SBNO2: variants seen among roughly 807,000 people sequenced by gnomAD.
SBNO2 encodes the protein strawberry notch homolog 2.
A neutral mutation model predicts 146.3 loss-of-function variants in SBNO2; 89 were observed. The observed-to-expected ratio is 0.61, with a 90% confidence interval of 0.51 to 0.73. The LOEUF (loss-of-function observed/expected upper bound fraction) is 0.73, where lower values mean the gene tolerates loss of function less well. Among genes scored for constraint, SBNO2 ranks in the 30% least tolerant of loss-of-function variants. SBNO2 has a pLI of 0.00. For missense variants in SBNO2, 2,092 were observed against 2,003.7 expected (o/e 1.04, Z -0.84); for synonymous variants, 1,147 against 892.6 (o/e 1.29, Z -5.08).
chr19:1,114,429 G>C lies in SBNO2; in HGVS notation c.1886-7C>G. On this transcript the variant is annotated splice_region_variant and splice_polypyrimidine_tract_variant and intron_variant, in intron 17 of 31. Coordinates refer to ENST00000361757, the MANE Select transcript of SBNO2 (RefSeq NM_014963.3). The stretch of plus-strand genomic sequence containing the variant: ...CCGCGTCCCCGAGGTCGCCCTGCAG[G>C]GAAGGACAGGGTCACCGAGGGCCAG... 6 of 1,517,024 alleles carry C rather than the reference G, an allele frequency of 4.0e-6. No homozygotes were observed. Among genetic ancestry groups the C allele is most frequent in the Non-Finnish European group, 5.3e-6 (6 of 1,128,780 alleles). 94.0% of individuals were successfully genotyped at this position (1,517,024 alleles called of 1,614,324 possible). A position where few individuals can be genotyped will look rare whatever the true frequency, so the allele number is the denominator to read the frequency against.
chr19:1,138,544 G>A (rs2080105946), intron 4 of SBNO2, among the ~76,000 whole-genome samples: 1 of 152,054 alleles, frequency 6.6e-6, no homozygotes, highest in African/African-American at 2.4e-5. Context: ...ACGAAAACGT[G>A]TCCACTGGGA....
At chr19:1,117,201 C>T in intron 15 of SBNO2, 122 bp downstream of exon 15, 2 of 1,048,846 alleles carry the variant, frequency 1.9e-6, no homozygotes, top group Non-Finnish European at 2.7e-6. Context: ...GGGCGTCTCT[C>T]ACCCACCAGG....
In SBNO2 at chr19:1,112,683, C is replaced by CACACGGCCACA. The variant is rs2079780011; in HGVS notation, c.2379+134_2379+135insTGTGGCCGTGT. 1 of 1,435,384 alleles carries CACACGGCCACA rather than the reference C, an allele frequency of 7.0e-7. No homozygotes were observed. The allele number at this position is 1,435,384 out of a possible 1,614,324, so 88.9% of individuals were successfully genotyped here. Reference sequence around the variant, plus strand: ...CCTGCGGGGCGCGGACACCACCCGCCACACGGCCACTCGCGCCCGCACCTG... The same window carrying CACACGGCCACA: ...CCTGCGGGGCGCGGACACCACCCGCCACACGGCCACAACACGGCCACTCGCGCCCGCACCTG... On this transcript the variant is annotated intron_variant, in intron 20 of 31. Transcript: ENST00000361757. This position sits in a 1 kb window ranked among gnomAD's most constrained non-coding sequence, Gnocchi z 5.9.
In SBNO2 at chr19:1,112,928, C is replaced by T. The variant is rs1484020450; in HGVS notation, c.2269G>A (p.Val757Met). ...VAEMTGRKGR[V>M]VSRPDGTVAF... is the part of the protein sequence containing the mutation. ...ACCGTCCCGTCGGGCCTGGACACCA[C>T]GCGGCCTTTCCTGCCGGTCATCTGC... The change falls in exon 20 of 32, where the codon GTG becomes ATG. Residue 757 changes from valine to methionine, a missense_variant. Val to Met is a conservative substitution (Grantham distance 21, BLOSUM62 1). Coordinates refer to ENST00000361757, the MANE Select transcript of SBNO2 (RefSeq NM_014963.3). This position sits in a 1 kb window ranked among gnomAD's most constrained non-coding sequence, Gnocchi z 5.9. 9.6e-6 allele frequency: 15 copies of T among 1,564,628 alleles called. No homozygotes were observed. The highest frequency in any genetic ancestry group is 2.7e-5 in the African/African-American group (2 of 73,646).
Position 1,147,414 on chromosome 19 carries a change from G to C in SBNO2, c.174C>G (p.Phe58Leu). The C allele has an allele frequency of 2.5e-6, 3 of 1,218,710 alleles. No homozygotes were observed. Among genetic ancestry groups the C allele is most frequent in the South Asian group, 2.8e-5 (2 of 71,208 alleles). 75.5% of individuals were successfully genotyped at this position (1,218,710 alleles called of 1,614,324 possible). The change falls in exon 4 of 32, where the codon TTC (phenylalanine) becomes TTG (leucine). Residue 58 changes from phenylalanine to leucine, a missense_variant. Coordinates refer to ENST00000361757, the MANE Select transcript of SBNO2 (RefSeq NM_014963.3). Reference sequence around the variant, plus strand: ...TGCCGAGGAAGGAGGCGGAGCTCATGAACGGGCTGGAGGGAGATGGGGGGG... The same window carrying C: ...TGCCGAGGAAGGAGGCGGAGCTCATCAACGGGCTGGAGGGAGATGGGGGGG... The part of the protein sequence containing the change: ...YPAFSSDSRP[F>L]MSSASFLGSQ...
chr19:1,156,177 T>A (rs1422018743), intron 1 of SBNO2, among the ~76,000 whole-genome samples: 1 of 152,078 alleles, frequency 6.6e-6, no homozygotes, highest in African/African-American at 2.4e-5. Flanking sequence ...GCCAGCACGG[T>A]GCTCCTGGCA....
intron 1 of SBNO2, among the ~76,000 whole-genome samples, chr19:1,170,015 C>A (rs1289142828): frequency 2.0e-5 from 3 of 152,196 alleles, no homozygotes; most frequent in Non-Finnish European, 4.4e-5. Context: ...CGTCTACCCC[C>A]CATCTGTGGA....
At chr19:1,148,422 C>A (rs372345727) in intron 3 of SBNO2, among the ~76,000 whole-genome samples, 35 of 151,822 alleles carry the variant, frequency 2.3e-4, no homozygotes, top group African/African-American at 6.8e-4. Flanking sequence ...TCCTACCCCC[C>A]CTGCAGAACC....
chr19:1,138,201 T>A (rs1211724722), intron 4 of SBNO2, among the ~76,000 whole-genome samples: 4 of 92,800 alleles, frequency 4.3e-5, no homozygotes, highest in Non-Finnish European at 6.5e-5. Flanking sequence ...GGGGGGAGGC[T>A]CGGGCTGGGG....
At chr19:1,132,618 C>A (rs1426134205) in intron 4 of SBNO2, among the ~76,000 whole-genome samples, 4 of 152,192 alleles carry the variant, frequency 2.6e-5, no homozygotes, top group African/African-American at 9.7e-5. Flanking sequence ...CCTCCCTTCA[C>A]CCAGCACCCC....
At chr19:1,161,492 T>A (rs1431950268) in intron 1 of SBNO2, among the ~76,000 whole-genome samples, 2 of 69,496 alleles carry the variant, frequency 2.9e-5, no homozygotes, top group Non-Finnish European at 5.3e-5. Flanking sequence ...TGGGGGTACC[T>A]GAGCACTGGG....
intron 4 of SBNO2, among the ~76,000 whole-genome samples, chr19:1,135,315 T>TCA (rs767659489): frequency 9.2e-5 from 14 of 151,992 alleles, no homozygotes; most frequent in Non-Finnish European, 1.9e-4. Context: ...TAAGTTATGA[T>TCA]CACACCACTG....
chr19:1,116,588 C>G (rs1323046815), intron 16 of SBNO2, among the ~76,000 whole-genome samples: 2 of 152,124 alleles, frequency 1.3e-5, no homozygotes, highest in Non-Finnish European at 2.9e-5. Flanking sequence ...CTTCTGAGAC[C>G]CCTGGAGACC....
chr19:1,116,486 C>G (rs2079833524), intron 16 of SBNO2, among the ~76,000 whole-genome samples: 1 of 152,138 alleles, frequency 6.6e-6, no homozygotes, highest in African/African-American at 2.4e-5. Flanking sequence ...TCTCAACCAA[C>G]AGGGGAGAGG....
chr19:1,172,661 C>A (rs1175021393), intron 1 of SBNO2, among the ~76,000 whole-genome samples: 1 of 152,126 alleles, frequency 6.6e-6, no homozygotes, highest in Admixed American at 6.5e-5. Flanking sequence ...GCCTGTAATC[C>A]CCGTGTAATC....
rs771541228 is a variant in SBNO2 at position 1,114,338 on chromosome 19, G to A, written c.1970C>T (p.Thr657Met). ...GVIRISDDSS[T>M]ESDPGLDSDF... The stretch of plus-strand genomic sequence containing the variant: ...GCTGTCCAGGCCAGGGTCCGACTCC[G>A]TGCTGCTGTCGTCACTGATGCGGAT... The change falls in exon 18 of 32, where the codon ACG becomes ATG. Residue 657 changes from threonine to methionine, a missense_variant. Coordinates refer to ENST00000361757, the MANE Select transcript of SBNO2 (RefSeq NM_014963.3). 1.9e-6 allele frequency: 3 copies of A among 1,557,304 alleles called. No homozygotes were observed. The highest frequency in any genetic ancestry group is 2.4e-5 in the South Asian group (2 of 84,450).
Position 1,112,163 on chromosome 19 carries a change from T to A in SBNO2, c.2628+26A>T, listed in dbSNP as rs2079770558. On this transcript the variant is annotated intron_variant, in intron 22 of 31. Transcript: ENST00000361757. This position sits in a 1 kb window ranked among gnomAD's most constrained non-coding sequence, Gnocchi z 5.9. ...GAGCCTTCCTGGGCCTGTCCCTGGT[T>A]CTCAGCCCCACCCCCACCTGCTCAC... The A allele has an allele frequency of 6.3e-7, 1 of 1,586,194 alleles. No homozygotes were observed. Among genetic ancestry groups the A allele is most frequent in the Non-Finnish European group, 8.6e-7 (1 of 1,165,898 alleles).
chr19:1,116,194 G>A lies in SBNO2; in HGVS notation c.1803-91C>T, dbSNP rs75482365. ...GAGCTGGACGCACCCCTGGGTCCCT[G>A]TGGGGGTCCCGGACAGGACCGGGCC... On this transcript the variant is annotated intron_variant, in intron 16 of 31. Coordinates refer to ENST00000361757, the MANE Select transcript of SBNO2 (RefSeq NM_014963.3). 20 of 1,218,890 alleles carry A rather than the reference G, an allele frequency of 1.6e-5. No individual in the cohort carries two copies. The East Asian group carries it at 4.3e-4, about 26-fold the overall frequency. 75.5% of individuals were successfully genotyped at this position (1,218,890 alleles called of 1,614,324 possible). A position where few individuals can be genotyped will look rare whatever the true frequency, so the allele number is the denominator to read the frequency against.
chr19:1,163,609 G>A (rs531741223), intron 1 of SBNO2, among the ~76,000 whole-genome samples: 1 of 152,324 alleles, frequency 6.6e-6, no homozygotes, highest in South Asian at 2.1e-4. Flanking sequence ...CCCAGGAGGC[G>A]TCTGGACCGC....
Sources: gnomAD v4.1 joint callset for allele counts (sites outside exome capture counted in the v4.1 genomes callset) on GRCh38, gnomAD v4.1.1 for gene constraint, Gnocchi (gnomAD v3.1) non-coding constraint, MANE v1.5 for transcripts, NCBI Gene and HGNC (gene_info 2026-07-23, HGNC 2026-07-21) for gene names.